PTPRS: variants seen among roughly 807,000 people sequenced by gnomAD.
PTPRS encodes receptor-type tyrosine-protein phosphatase S.
A neutral mutation model predicts 215.3 loss-of-function variants in PTPRS; 63 were observed. The ratio of observed to expected loss-of-function variants is 0.29; its 90% CI spans 0.24 to 0.36. The LOEUF is 0.36. Among genes scored for constraint, PTPRS ranks in the 10% least tolerant of loss-of-function variants. PTPRS has a pLI of 1.00. For missense variants in PTPRS, 2,258 were observed against 2,825.8 expected (o/e 0.80, Z 4.56); for synonymous variants, 1,404 against 1,191.4 (o/e 1.18, Z -3.68).
chr19:5,233,946 CAAAAAAAAAAAAAAAAAAAAAAA>C (rs57529862), intron 13 of PTPRS, among the ~76,000 whole-genome samples: 1 of 27,760 alleles, frequency 3.6e-5, no homozygotes, highest in Admixed American at 8.2e-4. Context: ...ACTCCATCTC[CAAAAAAAAAAAAAAAAAAAAAAA>C]AAAAAAAATC....
At position 5,236,852 on chromosome 19, in the gene PTPRS, A is replaced by T. The variant is rs1347175034; in HGVS notation, c.1849+2067T>A. Among the ~76,000 whole-genome samples the T allele has an allele frequency of 1.8e-4, 25 of 139,458 alleles. 1 individual carries two copies. Among genetic ancestry groups the T allele is most frequent in the Non-Finnish European group, 8.9e-5 (6 of 67,724 alleles). 91.5% of individuals were successfully genotyped at this position (139,458 alleles called of 152,430 possible). On this transcript the variant is annotated intron_variant, in intron 13 of 37. Transcript: ENST00000262963. ...GGAATCAGGCAGGGAGCAGGGGGAA[A>T]AAAAAAAAAAAAACAACAATCAAGG...
At chr19:5,322,899 AAGAAG>A (rs1167222529) in intron 1 of PTPRS, among the ~76,000 whole-genome samples, 26 of 77,744 alleles carry the variant, frequency 3.3e-4, no homozygotes, top group African/African-American at 7.5e-4. Flanking sequence ...AAAAAAAAAA[AAGAAG>A]AAGAAGAAGA....
intron 25 of PTPRS, among the ~76,000 whole-genome samples, chr19:5,217,491 C>G (rs1395142554): frequency 6.6e-6 from 1 of 151,794 alleles, no homozygotes; most frequent in African/African-American, 2.4e-5. Flanking sequence ...TACTAATGGT[C>G]AAACTCCTCA....
At chr19:5,256,028 T>A (rs1425149835) in intron 9 of PTPRS, 80 bp downstream of exon 9, 1 of 1,286,082 alleles carries the variant, frequency 7.8e-7, no homozygotes, top group Non-Finnish European at 1.1e-6. Context: ...GGTGTCTACA[T>A]GTGTTTTGTG....
intron 26 of PTPRS, 38 bp from the exon 27 acceptor site, chr19:5,215,633 TGGG>T (rs1357115231): frequency 7.3e-6 from 7 of 953,700 alleles, no homozygotes; most frequent in East Asian, 5.7e-5. Flanking sequence ...GTTGGTCACT[TGGG>T]GGGCCAGCCG....
At chr19:5,229,949 C>G (rs1019966657) in intron 14 of PTPRS, among the ~76,000 whole-genome samples, 28 of 151,872 alleles carry the variant, frequency 1.8e-4, no homozygotes, top group Non-Finnish European at 1.0e-4. Context: ...CTCCAGACAC[C>G]CTCTTCTTCA....
chr19:5,280,437 G>C (rs2047749146), intron 2 of PTPRS, among the ~76,000 whole-genome samples: 1 of 152,214 alleles, frequency 6.6e-6, no homozygotes, highest in Non-Finnish European at 1.5e-5. Context: ...CACTAGACCT[G>C]GCCGGGCGTG....
At chr19:5,211,494 A>G in intron 33 of PTPRS, 96 bp downstream of exon 33, 1 of 1,280,326 alleles carries the variant, frequency 7.8e-7, no homozygotes, top group Non-Finnish European at 1.1e-6. Context: ...GGCTACCAGT[A>G]TCTCCCCAGC....
At chr19:5,266,231 C>T (rs1308702261) in intron 4 of PTPRS, among the ~76,000 whole-genome samples, 2 of 151,512 alleles carry the variant, frequency 1.3e-5, no homozygotes, top group Non-Finnish European at 2.9e-5. Context: ...TGCACTCTAG[C>T]CTGGGCGACA....
At chr19:5,285,976 A>C in intron 2 of PTPRS, 74 bp downstream of exon 2, 1 of 1,255,402 alleles carries the variant, frequency 8.0e-7, no homozygotes, top group Non-Finnish European at 1.1e-6. Context: ...GAGTGTGCCC[A>C]CACACACACA....
Position 5,237,534 on chromosome 19 carries a change from C to T in PTPRS, c.1849+1385G>A, listed in dbSNP as rs757381936. Among the ~76,000 whole-genome samples the T allele has an allele frequency of 7.2e-5, 11 of 152,268 alleles. No individual in the cohort carries two copies. Among genetic ancestry groups the T allele is most frequent in the Admixed American group, 1.3e-4 (2 of 15,294 alleles). ...GTGTGCAAAGACGTGGATGTGCGTG[C>T]GTGGGCAGCGTGGCATGGTGGTGGC... On this transcript the variant is annotated intron_variant, in intron 13 of 37. Coordinates refer to ENST00000262963, the MANE Select transcript of PTPRS (RefSeq NM_002850.4). This position sits in a 1 kb window ranked among gnomAD's most constrained non-coding sequence, Gnocchi z 4.2.
intron 1 of PTPRS, among the ~76,000 whole-genome samples, chr19:5,332,507 A>G (rs577034146): frequency 5.9e-4 from 90 of 152,324 alleles, no homozygotes; most frequent in African/African-American, 2.1e-3. Flanking sequence ...GGAGCCATTC[A>G]GGGCTTCCTT....
In PTPRS at chr19:5,220,144, T is replaced by C. The variant is rs1342415870; in HGVS notation, c.3560A>G (p.Asp1187Gly). 1 of 1,611,300 alleles carries C rather than the reference T, an allele frequency of 6.2e-7. No homozygotes were observed. Among genetic ancestry groups the C allele is most frequent in the Non-Finnish European group, 8.5e-7 (1 of 1,178,668 alleles). ...EDMDLEELIQDISRLQRRSLR... is the reference protein window; with the variant it reads ...EDMDLEELIQGISRLQRRSLR... ...GCTGCGCCTCTGTAGCCGTGAGATG[T>C]CCTGGATGAGCTGCGGGAACAGAGT... Residue 1187 changes from aspartate to glycine, a missense_variant, in exon 22 of 38, where the codon GAC (aspartate) becomes GGC (glycine). Coordinates refer to ENST00000262963, the MANE Select transcript of PTPRS (RefSeq NM_002850.4).
intron 13 of PTPRS, among the ~76,000 whole-genome samples, chr19:5,233,901 G>A (rs10409704): frequency 0.077 from 9,650 of 125,236 alleles, 367 homozygotes; most frequent in Middle Eastern, 0.14. Context: ...AGCCAAGATC[G>A]TGCCACTGTA....
chr19:5,316,167 C>G (rs1194173144), intron 1 of PTPRS, among the ~76,000 whole-genome samples: 1 of 152,246 alleles, frequency 6.6e-6, no homozygotes, highest in East Asian at 1.9e-4. Context: ...AATCCTCCAG[C>G]CTCGGCCTCC....
chr19:5,314,415 C>A (rs2049807552), intron 1 of PTPRS, among the ~76,000 whole-genome samples: 1 of 152,078 alleles, frequency 6.6e-6, no homozygotes, highest in Non-Finnish European at 1.5e-5. Flanking sequence ...CTTGTTTGAG[C>A]CCCTGGATCC....
intron 2 of PTPRS, among the ~76,000 whole-genome samples, chr19:5,275,806 AAAAAACAAAAAC>A (rs955536659): frequency 6.6e-6 from 1 of 152,058 alleles, no homozygotes; most frequent in Non-Finnish European, 1.5e-5. Flanking sequence ...ACTCCGTCTC[AAAAAACAAAAAC>A]AAAAACAAAA....
In PTPRS at chr19:5,210,208, G is replaced by GCCCCA. The variant is rs1043086500; in HGVS notation, c.5487+256_5487+260dup. Among the ~76,000 whole-genome samples the GCCCCA allele has an allele frequency of 2.7e-4, 41 of 152,166 alleles. No individual in the cohort carries two copies. The highest frequency in any genetic ancestry group is 9.4e-4 in the African/African-American group (39 of 41,438). ...CACAGGTGGCTGCTTCCAGAGGAAA[G>GCCCCA]CCCCATTCACTTCCTTGAATATCAT... On this transcript the variant is annotated intron_variant, in intron 35 of 37. Coordinates refer to ENST00000262963, the MANE Select transcript of PTPRS (RefSeq NM_002850.4). This position sits in a 1 kb window ranked among gnomAD's most constrained non-coding sequence, Gnocchi z 4.5.
chr19:5,221,384 C>T lies in PTPRS; in HGVS notation c.3202-131G>A, dbSNP rs2041962064. 4.9e-6 allele frequency: 6 copies of T among 1,213,774 alleles called. No individual in the cohort carries two copies. In the South Asian group the frequency reaches 7.8e-5, roughly 16 times the overall value. The allele number at this position is 1,213,774 out of a possible 1,614,324, so 75.2% of individuals were successfully genotyped here. On this transcript the variant is annotated intron_variant, in intron 19 of 37. Coordinates refer to ENST00000262963, the MANE Select transcript of PTPRS (RefSeq NM_002850.4). ...AATCCTGCCCTAGGCAGAAATCTAACACTGACTGATCCCTGATCCCAGGCT... is the reference window on the plus strand; with the variant it reads ...AATCCTGCCCTAGGCAGAAATCTAATACTGACTGATCCCTGATCCCAGGCT...
Sources: gnomAD v4.1 joint callset for allele counts (sites outside exome capture counted in the v4.1 genomes callset) on GRCh38, gnomAD v4.1.1 for gene constraint, Gnocchi (gnomAD v3.1) non-coding constraint, MANE v1.5 for transcripts, NCBI Gene and HGNC (gene_info 2026-07-23, HGNC 2026-07-21) for gene names.